The following PHACTR3 variants were observed in gnomAD, a reference collection of about 807,000 sequenced individuals.
PHACTR3 encodes phosphatase and actin regulator 3.
Under a neutral mutation model 66.8 loss-of-function variants are expected in PHACTR3, and 16 were observed. The ratio of observed to expected loss-of-function variants is 0.24; its 90% CI spans 0.16 to 0.36. PHACTR3 has a LOEUF of 0.36. Among genes scored for constraint, PHACTR3 ranks in the 10% least tolerant of loss-of-function variants. PHACTR3 has a pLI of 1.00. For missense variants in PHACTR3, 647 were observed against 719.9 expected (o/e 0.90, Z 1.16); for synonymous variants, 323 against 292.1 (o/e 1.11, Z -1.08).
At chr20:59,798,839 T>A (rs1443501168) in intron 7 of PHACTR3, among the ~76,000 whole-genome samples, 4 of 152,050 alleles carry the variant, frequency 2.6e-5, no homozygotes, top group Admixed American at 6.5e-5. Flanking sequence ...ATTATCTTTT[T>A]CTTCTACTCT....
chr20:59,585,712 A>C (rs1237268098), intron 1 of PHACTR3, among the ~76,000 whole-genome samples: 10 of 152,124 alleles, frequency 6.6e-5, no homozygotes, highest in Admixed American at 5.9e-4. Flanking sequence ...GATGGTGGGG[A>C]GGTGGGGTTG....
chr20:59,609,983 G>A (rs1009562302), intron 1 of PHACTR3, among the ~76,000 whole-genome samples: 4 of 152,192 alleles, frequency 2.6e-5, no homozygotes, highest in African/African-American at 9.7e-5. Flanking sequence ...AGCTGGGCAT[G>A]GTGGTCACAC....
intron 7 of PHACTR3, among the ~76,000 whole-genome samples, chr20:59,777,475 T>C (rs938665571): frequency 6.6e-6 from 1 of 152,154 alleles, no homozygotes; most frequent in Non-Finnish European, 1.5e-5. Context: ...GCTGGGCCGG[T>C]CCATGGCCTC....
At chr20:59,584,906 C>T (rs749726927) in intron 1 of PHACTR3, among the ~76,000 whole-genome samples, 1 of 152,084 alleles carries the variant, frequency 6.6e-6, no homozygotes, top group Non-Finnish European at 1.5e-5. Context: ...ATTGGATTGC[C>T]CAGCCCCCAC....
intron 1 of PHACTR3, among the ~76,000 whole-genome samples, chr20:59,622,590 T>C (rs1312990612): frequency 6.6e-6 from 1 of 152,172 alleles, no homozygotes; most frequent in Admixed American, 6.5e-5. Flanking sequence ...GTGTGCCTGC[T>C]GCGAGGGGTG....
chr20:59,650,741 A>G (rs546860620), intron 1 of PHACTR3, among the ~76,000 whole-genome samples: 11 of 66,214 alleles, frequency 1.7e-4, no homozygotes, highest in Admixed American at 2.9e-4. Context: ...CGTTGATAGC[A>G]AAAAAAAAAA....
chr20:59,723,710 G>C (rs1682529071), intron 1 of PHACTR3, among the ~76,000 whole-genome samples: 1 of 151,934 alleles, frequency 6.6e-6, no homozygotes, highest in Admixed American at 6.6e-5. Context: ...GGTCTACTGA[G>C]GAGTCGAATG....
At chr20:59,723,523 T>C (rs1328812210) in intron 1 of PHACTR3, among the ~76,000 whole-genome samples, 1 of 152,208 alleles carries the variant, frequency 6.6e-6, no homozygotes, top group Non-Finnish European at 1.5e-5. Context: ...TTTGGGTTTC[T>C]TTCCCACTTT....
intron 3 of PHACTR3, among the ~76,000 whole-genome samples, chr20:59,751,931 G>A (rs969527538): frequency 2.0e-5 from 3 of 152,116 alleles, no homozygotes; most frequent in African/African-American, 7.2e-5. Context: ...CCCAGCCCAC[G>A]TTTCTCTGTG....
At position 59,830,259 on chromosome 20, in the gene PHACTR3, A is replaced by AGAAGAGGGTGTGAGTGTCTGATG. The variant is rs2042323369; in HGVS notation, c.1329-6237_1329-6236insGTGAGTGTCTGATGGAAGAGGGT. ...ATGGAAGAGGGTATGAGTGTCTGAT[A>AGAAGAGGGTGTGAGTGTCTGATG]GAAGAGGGTATGAGTGTCTGATGGA... On this transcript the variant is annotated intron_variant, in intron 8 of 12. Transcript: ENST00000371015. The surrounding 1 kb of genome is among the most constrained non-coding windows in gnomAD (Gnocchi z 5.8). 1.4e-5 allele frequency among the ~76,000 whole-genome samples: 2 copies of AGAAGAGGGTGTGAGTGTCTGATG among 142,700 alleles called. No homozygotes were observed. The highest frequency in any genetic ancestry group is 6.0e-5 in the African/African-American group (2 of 33,448). The allele number at this position is 142,700 out of a possible 152,430, so 93.6% of individuals were successfully genotyped here.
intron 12 of PHACTR3, among the ~76,000 whole-genome samples, chr20:59,846,312 A>G (rs151337823): frequency 2.0e-5 from 3 of 152,192 alleles, no homozygotes; most frequent in Non-Finnish European, 2.9e-5. Flanking sequence ...ACCTTAACCA[A>G]TGGTTTTAGG....
rs886562057 is a variant in PHACTR3, at chr20:59,604,995, C to T, written c.-20C>T. On this transcript the variant is annotated 5_prime_UTR_variant, in exon 1 of 13. Transcript: ENST00000371015. ...ATTCCACGCGGCTCGCTCTAACTTGCCCCCGCGCCGGCCGGGCCCATGGCC... is the reference window on the plus strand; with the variant it reads ...ATTCCACGCGGCTCGCTCTAACTTGTCCCCGCGCCGGCCGGGCCCATGGCC... The T allele has an allele frequency of 2.3e-6, 3 of 1,299,946 alleles. No individual in the cohort carries two copies. Among genetic ancestry groups the T allele is most frequent in the Middle Eastern group, 4.3e-4 (2 of 4,672 alleles). The allele number at this position is 1,299,946 out of a possible 1,614,324, so 80.5% of individuals were successfully genotyped here.
Position 59,674,374 on chromosome 20 carries a change from G to A in PHACTR3, c.119-68733G>A, listed in dbSNP as rs1033721264. 2.7e-5 allele frequency among the ~76,000 whole-genome samples: 4 copies of A among 149,736 alleles called. No individual in the cohort carries two copies. In the South Asian group the frequency reaches 6.5e-4, roughly 24 times the overall value. ...CACTCTGCCCTCTTCCCCTTCTCCT[G>A]TTCCTTCCCCTTCTCCTGTTCCTCC... On this transcript the variant is annotated intron_variant, in intron 1 of 12. Coordinates refer to ENST00000371015, the MANE Select transcript of PHACTR3 (RefSeq NM_080672.5).
intron 7 of PHACTR3, among the ~76,000 whole-genome samples, chr20:59,776,516 TAGCCCCTGGGG>T (rs6147396): frequency 0.64 from 97,066 of 151,658 alleles, 33,316 homozygotes; most frequent in Non-Finnish European, 0.76. Flanking sequence ...ACGGGGAGGA[TAGCCCCTGGGG>T]AGGACAGCCC....
At chr20:59,840,280 T>C in intron 9 of PHACTR3, 89 bp from the exon 10 acceptor site, 2 of 1,512,224 alleles carry the variant, frequency 1.3e-6, no homozygotes, top group South Asian at 2.6e-5. Context: ...GAAATATGGA[T>C]ATCTTGGGAA....
Position 59,577,746 on chromosome 20 carries a change from T to G in PHACTR3, c.109+129T>G, listed in dbSNP as rs1159572952. On this transcript the variant is annotated intron_variant, in intron 1 of 12. Coordinates refer to the PHACTR3 transcript ENST00000359926. ...CGTTGCGGGTGGCCGGGAGGCCCGCTGCGCCCCCAGCCACAGAGGTGGGCG... is the reference window on the plus strand; with the variant it reads ...CGTTGCGGGTGGCCGGGAGGCCCGCGGCGCCCCCAGCCACAGAGGTGGGCG... The G allele has an allele frequency of 4.4e-5, 25 of 563,656 alleles. No homozygotes were observed. In the East Asian group the frequency reaches 1.3e-3, roughly 29 times the overall value. The allele number at this position is 563,656 out of a possible 1,614,324, so 34.9% of individuals were successfully genotyped here. A position where few individuals can be genotyped will look rare whatever the true frequency, so the allele number is the denominator to read the frequency against.
chr20:59,826,957 G>C (rs1164099259), intron 8 of PHACTR3, among the ~76,000 whole-genome samples: 1 of 152,126 alleles, frequency 6.6e-6, no homozygotes, highest in African/African-American at 2.4e-5. Flanking sequence ...TCCTCCGGAG[G>C]ATTTGAATCC....
At chr20:59,786,485 G>A (rs1031112197) in intron 7 of PHACTR3, among the ~76,000 whole-genome samples, 1 of 152,216 alleles carries the variant, frequency 6.6e-6, no homozygotes, top group Non-Finnish European at 1.5e-5. Flanking sequence ...AGCCCAGGGA[G>A]CAGCCCTGGG....
chr20:59,828,213 A>G (rs2042249792), intron 8 of PHACTR3, among the ~76,000 whole-genome samples: 1 of 147,942 alleles, frequency 6.8e-6, no homozygotes, highest in Admixed American at 6.8e-5. Context: ...AAAATGCCAG[A>G]AACCTCTCCC....
Sources: gnomAD v4.1 joint callset for allele counts (sites outside exome capture counted in the v4.1 genomes callset) on GRCh38, gnomAD v4.1.1 for gene constraint, Gnocchi (gnomAD v3.1) non-coding constraint, MANE v1.5 for transcripts, NCBI Gene and HGNC (gene_info 2026-07-23, HGNC 2026-07-21) for gene names.